FTO: variants seen among roughly 807,000 people sequenced by gnomAD.
FTO encodes alpha-ketoglutarate-dependent dioxygenase FTO.
In FTO, 47 loss-of-function variants were observed where a neutral mutation model predicts 63.9. The observed-to-expected ratio is 0.74, with a 90% CI of 0.58 to 0.94. FTO has a LOEUF of 0.94. FTO is among the 40% of genes least tolerant of loss of function. The pLI is 0.00. For synonymous variants in FTO, 207 were observed against 224.4 expected, an observed-to-expected ratio of 0.92 and a Z score of 0.69; for missense variants, 562 against 618.1, an observed-to-expected ratio of 0.91 and a Z score of 0.96.
At chr16:53,879,540 G>A (rs889956225) in intron 5 of FTO, among the ~76,000 whole-genome samples, 3 of 152,004 alleles carry the variant, frequency 2.0e-5, no homozygotes, top group African/African-American at 7.2e-5. Flanking sequence ...AGAAAAATTA[G>A]CTGGGCAGAG....
Position 54,077,323 on chromosome 16 carries a change from G to T in FTO, c.1365-34439G>T, listed in dbSNP as rs553688411. ...CACAGATGCCAAAGCGGCCTTTGGG[G>T]GCCCAGTAAACGCTGTGTGGAGTCA... On this transcript the variant is annotated intron_variant, in intron 8 of 8. Coordinates refer to ENST00000471389, the MANE Select transcript of FTO (RefSeq NM_001080432.3). Among the ~76,000 whole-genome samples the T allele has an allele frequency of 1.4e-4, 22 of 152,262 alleles. No individual in the cohort carries two copies. The South Asian group carries it at 4.6e-3, about 32-fold the overall frequency.
intron 3 of FTO, among the ~76,000 whole-genome samples, chr16:53,836,624 A>G (rs1465870806): frequency 1.3e-5 from 2 of 152,186 alleles, no homozygotes; most frequent in African/African-American, 4.8e-5. Context: ...TTTTGATAGC[A>G]AATAATAATT....
At chr16:53,834,154 A>G (rs763469948) in intron 3 of FTO, among the ~76,000 whole-genome samples, 5 of 151,794 alleles carry the variant, frequency 3.3e-5, no homozygotes, top group Non-Finnish European at 5.9e-5. Context: ...CCCCCTGAGT[A>G]GCTGGGACTA....
In FTO at chr16:53,738,890, G is replaced by C. The variant is rs371891605; in HGVS notation, c.45+34661G>C. The stretch of plus-strand genomic sequence containing the variant: ...GGGTCTCACTCTGTCACCCAGGCTG[G>C]AGTGCAGTGGCAAGATCATGATTCA... On this transcript the variant is annotated intron_variant, in intron 1 of 8. Transcript: ENST00000471389. Among the ~76,000 whole-genome samples the C allele has an allele frequency of 1.4e-4, 22 of 152,172 alleles. No homozygotes were observed. In the East Asian group the frequency reaches 3.9e-3, roughly 27 times the overall value.
At chr16:53,714,750 A>G (rs2075852973) in intron 1 of FTO, among the ~76,000 whole-genome samples, 1 of 152,150 alleles carries the variant, frequency 6.6e-6, no homozygotes, top group South Asian at 2.1e-4. Context: ...AATAGTAGTC[A>G]TTGTTCTCAT....
At chr16:54,010,141 C>T (rs900009378) in intron 8 of FTO, among the ~76,000 whole-genome samples, 5 of 152,056 alleles carry the variant, frequency 3.3e-5, no homozygotes. Flanking sequence ...TGGCTGGGCA[C>T]CATGGCTCAC....
chr16:54,099,420 T>G (rs1324556158), intron 8 of FTO, among the ~76,000 whole-genome samples: 1 of 152,170 alleles, frequency 6.6e-6, no homozygotes, highest in African/African-American at 2.4e-5. Flanking sequence ...TCCATAGCAT[T>G]GTGTGCTGGG....
intron 8 of FTO, among the ~76,000 whole-genome samples, chr16:53,951,430 G>A (rs1281059903): frequency 6.6e-6 from 1 of 152,160 alleles, no homozygotes; most frequent in Non-Finnish European, 1.5e-5. Context: ...GTGGGTTTCT[G>A]TCTAATCTAC....
chr16:53,769,657 A>G (rs532600012), intron 1 of FTO, among the ~76,000 whole-genome samples: 2 of 152,264 alleles, frequency 1.3e-5, no homozygotes, highest in South Asian at 4.1e-4. Context: ...GTGGGTTTAC[A>G]TTAGTTAGGG....
chr16:54,081,531 C>A (rs2086141427), intron 8 of FTO, among the ~76,000 whole-genome samples: 1 of 152,192 alleles, frequency 6.6e-6, no homozygotes, highest in African/African-American at 2.4e-5. Flanking sequence ...TAAATAGACA[C>A]TGGCCATGTT....
At chr16:53,825,512 T>C (rs1168198661) in intron 2 of FTO, among the ~76,000 whole-genome samples, 1 of 152,188 alleles carries the variant, frequency 6.6e-6, no homozygotes. Flanking sequence ...AGTAAGCACT[T>C]AATAAATATT....
intron 1 of FTO, among the ~76,000 whole-genome samples, chr16:53,800,910 G>C (rs553669100): frequency 6.6e-6 from 1 of 151,888 alleles, no homozygotes; most frequent in Non-Finnish European, 1.5e-5. Flanking sequence ...CCATTTTAAA[G>C]TATACACTTA....
chr16:53,734,113 C>T (rs1388155536), intron 1 of FTO, among the ~76,000 whole-genome samples: 2 of 152,190 alleles, frequency 1.3e-5, no homozygotes, highest in Non-Finnish European at 2.9e-5. Flanking sequence ...TGGTATTACC[C>T]AGGTCAAATC....
At chr16:53,939,203 C>G (rs2082464805) in intron 8 of FTO, among the ~76,000 whole-genome samples, 3 of 152,080 alleles carry the variant, frequency 2.0e-5, no homozygotes, top group Admixed American at 6.5e-5. Flanking sequence ...AAACATTATC[C>G]AAAGTTAGCA....
intron 8 of FTO, among the ~76,000 whole-genome samples, chr16:54,034,764 T>C (rs1342467280): frequency 1.3e-5 from 2 of 152,322 alleles, no homozygotes; most frequent in African/African-American, 2.4e-5. Flanking sequence ...TTAGCTTGAA[T>C]GAATGTTTAA....
intron 3 of FTO, among the ~76,000 whole-genome samples, chr16:53,840,542 G>T (rs2079444983): frequency 6.6e-6 from 1 of 152,132 alleles, no homozygotes; most frequent in African/African-American, 2.4e-5. Flanking sequence ...AGTACTTTTG[G>T]CTTTGTGGGT....
chr16:54,015,959 A>C (rs2084435662), intron 8 of FTO, among the ~76,000 whole-genome samples: 1 of 142,068 alleles, frequency 7.0e-6, no homozygotes, highest in East Asian at 2.3e-4. Context: ...GAAACTGACA[A>C]CCGGCTGGCC....
chr16:53,833,415 A>T (rs974989405), intron 3 of FTO, among the ~76,000 whole-genome samples: 4 of 152,238 alleles, frequency 2.6e-5, no homozygotes, highest in African/African-American at 9.6e-5. Flanking sequence ...CCATTGTATG[A>T]ATATACCACA....
chr16:53,942,533 G>A (rs1234232834), intron 8 of FTO, among the ~76,000 whole-genome samples: 1 of 152,214 alleles, frequency 6.6e-6, no homozygotes, highest in Non-Finnish European at 1.5e-5. Context: ...TCTGAATAAA[G>A]GGATGGGTTT....
Sources: allele counts gnomAD v4.1 joint callset (sites outside exome capture counted in the v4.1 genomes callset), GRCh38; gene constraint gnomAD v4.1.1; transcripts MANE v1.5; gene names NCBI Gene and HGNC (gene_info 2026-07-23, HGNC 2026-07-21).